Variants in NTM observed in about 807,000 individuals in gnomAD.
NTM encodes the protein neurotrimin.
In NTM, 13 loss-of-function variants were observed where a neutral mutation model predicts 42.1. The ratio of observed to expected loss-of-function variants is 0.31; its 90% CI spans 0.20 to 0.49. The LOEUF is 0.49. Ranked by LOEUF, NTM falls within the 20% of genes least tolerant of loss-of-function variation. NTM has a pLI of 0.99. For missense variants in NTM, 373 were observed against 452.8 expected (o/e 0.82, Z 1.60); for synonymous variants, 187 against 179.2 (o/e 1.04, Z -0.35).
intron 1 of NTM, among the ~76,000 whole-genome samples, chr11:131,685,567 G>T (rs909335272): frequency 6.6e-6 from 1 of 152,140 alleles, no homozygotes; most frequent in African/African-American, 2.4e-5. Flanking sequence ...TTTTCTGCTG[G>T]CAGTGCTCCG....
intron 2 of NTM, among the ~76,000 whole-genome samples, chr11:132,097,717 G>C (rs753131494): frequency 6.6e-6 from 1 of 152,196 alleles, no homozygotes; most frequent in East Asian, 1.9e-4. Context: ...TAGAGACTTC[G>C]TGAACACTCG....
intron 2 of NTM, among the ~76,000 whole-genome samples, chr11:132,130,456 C>A (rs1275932864): frequency 6.6e-6 from 1 of 152,162 alleles, no homozygotes; most frequent in African/African-American, 2.4e-5. Flanking sequence ...AATTTTACTT[C>A]ATGCGTTTAA....
chr11:131,555,322 T>C (rs1216916388), intron 1 of NTM, among the ~76,000 whole-genome samples: 4 of 152,214 alleles, frequency 2.6e-5, no homozygotes, highest in Non-Finnish European at 5.9e-5. Flanking sequence ...GTCTGGTTCT[T>C]AGGAGGAAGA....
intron 4 of NTM, among the ~76,000 whole-genome samples, chr11:132,291,710 G>A (rs2140007116): frequency 6.6e-6 from 1 of 152,320 alleles, no homozygotes; most frequent in South Asian, 2.1e-4. Context: ...TGGTTGGGCA[G>A]TTAGGAGATT....
intron 1 of NTM, among the ~76,000 whole-genome samples, chr11:131,580,168 T>C (rs894290214): frequency 5.9e-5 from 9 of 152,162 alleles, no homozygotes; most frequent in Non-Finnish European, 1.2e-4. Flanking sequence ...ACCCCCTCTA[T>C]TGGATGCCAC....
chr11:132,147,745 A>G (rs2070863538), intron 3 of NTM, among the ~76,000 whole-genome samples: 1 of 152,018 alleles, frequency 6.6e-6, no homozygotes, highest in African/African-American at 2.4e-5. Context: ...CAGGGTGACA[A>G]ACTCCTCTCC....
intron 2 of NTM, among the ~76,000 whole-genome samples, chr11:132,052,896 AT>A (rs1054165662): frequency 4.6e-5 from 7 of 151,354 alleles, no homozygotes; most frequent in African/African-American, 1.7e-4. Flanking sequence ...GAATCCCTGG[AT>A]TTTTTTTTCT....
intron 2 of NTM, among the ~76,000 whole-genome samples, chr11:132,116,199 A>C (rs183941551): frequency 1.3e-5 from 2 of 152,276 alleles, no homozygotes; most frequent in East Asian, 3.9e-4. Flanking sequence ...ACAATGGTGG[A>C]CTTGACTACC....
At chr11:132,247,666 T>C (rs937548234) in intron 4 of NTM, among the ~76,000 whole-genome samples, 1 of 152,156 alleles carries the variant, frequency 6.6e-6, no homozygotes, top group African/African-American at 2.4e-5. Flanking sequence ...AGGTGGGCCA[T>C]GGAGGGATCC....
intron 4 of NTM, among the ~76,000 whole-genome samples, chr11:132,252,132 C>A: frequency 6.6e-6 from 1 of 152,084 alleles, no homozygotes; most frequent in Non-Finnish European, 1.5e-5. Context: ...TTAGCCAGGG[C>A]TGGCCGCTCA....
At chr11:131,490,976 GACA>G (rs1489325750) in intron 1 of NTM, among the ~76,000 whole-genome samples, 1 of 152,164 alleles carries the variant, frequency 6.6e-6, no homozygotes, top group Non-Finnish European at 1.5e-5. Flanking sequence ...CTACAATGCA[GACA>G]CAAGTGTCTC....
intron 2 of NTM, among the ~76,000 whole-genome samples, chr11:131,987,809 C>T (rs2066331904): frequency 1.3e-5 from 2 of 152,170 alleles, no homozygotes; most frequent in Non-Finnish European, 2.9e-5. Flanking sequence ...AACAGTCAGC[C>T]ACTCAGTCAA....
intron 1 of NTM, among the ~76,000 whole-genome samples, chr11:131,789,701 A>C (rs2090569141): frequency 1.3e-5 from 2 of 151,334 alleles, no homozygotes; most frequent in South Asian, 4.2e-4. Context: ...TCTCGCCTGT[A>C]ATCCCAGCAC....
intron 3 of NTM, among the ~76,000 whole-genome samples, chr11:132,150,189 G>A (rs1281210002): frequency 2.0e-5 from 3 of 152,118 alleles, no homozygotes; most frequent in Non-Finnish European, 2.9e-5. Context: ...AGCAGGGACG[G>A]TGCCAGGCTC....
At position 132,035,515 on chromosome 11, in the gene NTM, A is replaced by G. The variant is rs369047253; in HGVS notation, c.168-110767A>G. Among the ~76,000 whole-genome samples, 13 of 152,336 alleles carry G rather than the reference A, an allele frequency of 8.5e-5. No individual in the cohort carries two copies. The East Asian group carries it at 1.3e-3, about 16-fold the overall frequency. ...CAGAGATAATGTTGCATAAAAAGAG[A>G]CAATATTCTTCCCAGTATTAAAATA... On this transcript the variant is annotated intron_variant, in intron 2 of 8. Transcript: ENST00000683400.
At chr11:131,634,949 T>C (rs1422968012) in intron 1 of NTM, among the ~76,000 whole-genome samples, 1 of 152,240 alleles carries the variant, frequency 6.6e-6, no homozygotes, top group Admixed American at 6.5e-5. Flanking sequence ...CATTTCAATA[T>C]CATTCACATA....
intron 1 of NTM, among the ~76,000 whole-genome samples, chr11:131,741,400 C>T (rs993657000): frequency 2.0e-5 from 3 of 152,146 alleles, no homozygotes; most frequent in Non-Finnish European, 4.4e-5. Flanking sequence ...GGATGCTGAT[C>T]CCCATTTCAA....
intron 4 of NTM, among the ~76,000 whole-genome samples, chr11:132,307,034 T>A (rs1189064104): frequency 6.6e-6 from 1 of 152,202 alleles, no homozygotes; most frequent in East Asian, 1.9e-4. Flanking sequence ...ATCTCTGACA[T>A]GCTTACAACT....
At chr11:131,841,669 G>A (rs1410811986) in intron 1 of NTM, among the ~76,000 whole-genome samples, 1 of 152,150 alleles carries the variant, frequency 6.6e-6, no homozygotes, top group African/African-American at 2.4e-5. Flanking sequence ...ATCAGATAGG[G>A]AGGCACAAGC....
Sources: gnomAD v4.1 joint callset for allele counts (sites outside exome capture counted in the v4.1 genomes callset) on GRCh38, gnomAD v4.1.1 for gene constraint, MANE v1.5 for transcripts, NCBI Gene and HGNC (gene_info 2026-07-23, HGNC 2026-07-21) for gene names.